The following MCRS1 variants were observed in gnomAD, a reference collection of about 807,000 sequenced individuals.
MCRS1 encodes the protein 58 kDa microspherule protein.
In MCRS1, 22 loss-of-function variants were observed where a neutral mutation model predicts 62.9. The ratio of observed to expected loss-of-function variants is 0.35; its 90% CI spans 0.25 to 0.50. The LOEUF (loss-of-function observed/expected upper bound fraction) is 0.50, where lower values mean the gene tolerates loss of function less well. Ranked by LOEUF, MCRS1 falls within the 20% of genes least tolerant of loss-of-function variation. The pLI is 0.98. For synonymous variants in MCRS1, 244 were observed against 233.5 expected, an observed-to-expected ratio of 1.04 and a Z score of -0.41; for missense variants, 456 against 601.1, an observed-to-expected ratio of 0.76 and a Z score of 2.52.
chr12:49,560,728 C>T (rs768609098), intron 8 of MCRS1, among the ~76,000 whole-genome samples: 2 of 152,190 alleles, frequency 1.3e-5, no homozygotes, highest in African/African-American at 2.4e-5. Flanking sequence ...ACTATGTGAC[C>T]CTAGTTTGGG....
At chr12:49,560,459 G>A in intron 8 of MCRS1, 89 bp from the exon 9 acceptor site, 5 of 1,205,506 alleles carry the variant, frequency 4.1e-6, no homozygotes, top group Non-Finnish European at 6.2e-6. Flanking sequence ...ACCAGCTGCA[G>A]ACTGCGCTGG....
intron 5 of MCRS1, 63 bp downstream of exon 5, chr12:49,564,673 AT>A: frequency 6.2e-7 from 1 of 1,604,372 alleles, no homozygotes; most frequent in South Asian, 1.1e-5. Flanking sequence ...TGTTGGGCTA[AT>A]TTTGGGGTGC....
chr12:49,560,076 A>C, intron 9 of MCRS1, 109 bp from the exon 10 acceptor site: 1 of 1,453,964 alleles, frequency 6.9e-7, no homozygotes, highest in Non-Finnish European at 9.6e-7. Context: ...GGAAGGTGGT[A>C]CATCAGGCCT....
intron 8 of MCRS1, among the ~76,000 whole-genome samples, chr12:49,561,322 G>A (rs1431942287): frequency 6.6e-6 from 1 of 152,208 alleles, no homozygotes; most frequent in Non-Finnish European, 1.5e-5. Context: ...GAGGAAGTGA[G>A]GGGGAGTGTG....
At chr12:49,565,988 C>T in intron 3 of MCRS1, 89 bp downstream of exon 3, 1 of 1,516,808 alleles carries the variant, frequency 6.6e-7, no homozygotes, top group South Asian at 1.3e-5. Flanking sequence ...GCTCAGGCAG[C>T]CATTCCCAAC....
Position 49,568,126 on chromosome 12 carries a change from T to A in MCRS1, c.-189A>T, listed in dbSNP as rs918965500. On this transcript the variant is annotated 5_prime_UTR_variant, in exon 1 of 15. Coordinates refer to ENST00000343810, the MANE Select transcript of MCRS1 (RefSeq NM_006337.5). Reference sequence around the variant, plus strand: ...AGGGCCAAAGCCGGCTTCCGTGAGGTACGTCTACTTCCGGTTAACGAACCA... The same window carrying A: ...AGGGCCAAAGCCGGCTTCCGTGAGGAACGTCTACTTCCGGTTAACGAACCA... The A allele has an allele frequency of 6.6e-6, 1 of 152,344 alleles. No homozygotes were observed. Among genetic ancestry groups the A allele is most frequent in the African/African-American group, 2.4e-5 (1 of 41,582 alleles). 9.4% of individuals were successfully genotyped at this position (152,344 alleles called of 1,614,324 possible). A position where few individuals can be genotyped will look rare whatever the true frequency, so the allele number is the denominator to read the frequency against.
At position 49,559,421 on chromosome 12, in the gene MCRS1, G is replaced by A. The variant is rs961236357; in HGVS notation, c.1086+32C>T. 1.2e-6 allele frequency: 2 copies of A among 1,613,298 alleles called. No homozygotes were observed. Among genetic ancestry groups the A allele is most frequent in the Non-Finnish European group, 1.7e-6 (2 of 1,179,490 alleles). On this transcript the variant is annotated intron_variant, in intron 12 of 14. Coordinates refer to ENST00000343810, the MANE Select transcript of MCRS1 (RefSeq NM_006337.5). The surrounding 1 kb of genome is among the most constrained non-coding windows in gnomAD (Gnocchi z 5.2). ...GAGAAAGGCACTGACAGAGGAAGCA[G>A]CCTAAGAAGGGCGGGGATGGGCCTG... is the stretch of plus-strand genomic sequence containing the variant.
chr12:49,561,368 G>C (rs1363947183), intron 8 of MCRS1, among the ~76,000 whole-genome samples: 2 of 152,142 alleles, frequency 1.3e-5, no homozygotes, highest in Admixed American at 1.3e-4. Flanking sequence ...TCCCACTGAG[G>C]TGAGACCATA....
At chr12:49,566,033 C>T (rs369002130) in intron 3 of MCRS1, 44 bp downstream of exon 3, 139 of 1,594,788 alleles carry the variant, frequency 8.7e-5, no homozygotes, top group Non-Finnish European at 1.1e-4. Flanking sequence ...ACGCCACAGA[C>T]CTTCTACCCT....
Position 49,559,197 on chromosome 12 carries a change from C to T in MCRS1, c.1174+17G>A, listed in dbSNP as rs1938619071. On this transcript the variant is annotated intron_variant, in intron 13 of 14. Transcript: ENST00000343810. This position sits in a 1 kb window ranked among gnomAD's most constrained non-coding sequence, Gnocchi z 5.2. The stretch of plus-strand genomic sequence containing the variant: ...GACCTCACACTGCTTCCTGCTGGGG[C>T]AGGGGGTGGGGGATACCTTGTTTCC... 6.2e-7 allele frequency: 1 copy of T among 1,611,300 alleles called. No homozygotes were observed. The highest frequency in any genetic ancestry group is 1.7e-5 in the Admixed American group (1 of 59,924).
At chr12:49,561,247 G>A (rs1565789425) in intron 8 of MCRS1, among the ~76,000 whole-genome samples, 1 of 152,192 alleles carries the variant, frequency 6.6e-6, no homozygotes, top group African/African-American at 2.4e-5. Flanking sequence ...TCTGCTTTTA[G>A]GCCAGCCGTT....
chr12:49,563,314 G>C, intron 7 of MCRS1, 124 bp downstream of exon 7: 5 of 1,340,036 alleles, frequency 3.7e-6, no homozygotes, highest in Non-Finnish European at 4.2e-6. Flanking sequence ...CCCTGCCAAT[G>C]TGCACACGTG....
Position 49,558,637 on chromosome 12 carries a change from C to T in MCRS1, c.*6G>A, listed in dbSNP as rs746747117. ...GGAGAGGGCCCACGAGTCCTGCCAC[C>T]ACTCCTCACTGTGGTGTGATCTTGG... On this transcript the variant is annotated 3_prime_UTR_variant, in exon 15 of 15. Transcript: ENST00000343810. The T allele has an allele frequency of 1.2e-6, 2 of 1,612,298 alleles. No homozygotes were observed. The highest frequency in any genetic ancestry group is 2.2e-5 in the South Asian group (2 of 91,052).
intron 8 of MCRS1, 73 bp downstream of exon 8, chr12:49,562,928 G>T: frequency 6.7e-7 from 1 of 1,501,346 alleles, no homozygotes; most frequent in Non-Finnish European, 9.0e-7. Context: ...GAAGGCAGCT[G>T]TGTCGAGTAC....
chr12:49,564,616 C>G (rs1416151139), intron 5 of MCRS1, 26 bp from the exon 6 acceptor site: 1 of 1,609,210 alleles, frequency 6.2e-7, no homozygotes, highest in Non-Finnish European at 8.5e-7. Flanking sequence ...AGGATTTGCT[C>G]CAGCCTTGGA....
chr12:49,565,736 C>T (rs758925224), intron 3 of MCRS1, 69 bp from the exon 4 acceptor site: 95 of 1,608,374 alleles, frequency 5.9e-5, no homozygotes, highest in Admixed American at 8.4e-5. Context: ...CCCCCAGCCC[C>T]CAAAAGAGAG....
rs534776353 is a variant in MCRS1 at position 49,566,064 on chromosome 12, G to A, written c.149+13C>T. 51 of 1,611,504 alleles carry A rather than the reference G, an allele frequency of 3.2e-5. No individual in the cohort carries two copies. The highest frequency in any genetic ancestry group is 2.4e-4 in the South Asian group (22 of 90,806). ...ACCCTTTCCCAGTTCCTGGCCCTCC[G>A]AACCCTTACTACCTGGAGGAGCTTC... On this transcript the variant is annotated intron_variant, in intron 3 of 14. Transcript: ENST00000343810.
rs1939037854 is a variant in MCRS1 at position 49,566,015 on chromosome 12, G to C, written c.149+62C>G. 3.2e-6 allele frequency: 5 copies of C among 1,564,020 alleles called. No individual in the cohort carries two copies. In the East Asian group the frequency reaches 1.1e-4, roughly 35 times the overall value. ...ATTCCCAACAGATGGGGAGGCATGT[G>C]GCACTTAACGCCACAGACCTTCTAC... On this transcript the variant is annotated intron_variant, in intron 3 of 14. Coordinates refer to ENST00000343810, the MANE Select transcript of MCRS1 (RefSeq NM_006337.5).
chr12:49,566,756 G>T lies in MCRS1; in HGVS notation c.-25C>A, dbSNP rs1437036411. On this transcript the variant is annotated 5_prime_UTR_variant, in exon 2 of 15. Transcript: ENST00000343810. ...TCCTCTTACAGTCCCAAAGCCACTG[G>T]TTCCAAACCACCGGGCTAGGAGGAA... 1.2e-6 allele frequency: 2 copies of T among 1,613,396 alleles called. No individual in the cohort carries two copies. Among genetic ancestry groups the T allele is most frequent in the East Asian group, 2.2e-5 (1 of 44,842 alleles).
Sources: gnomAD v4.1 joint callset for allele counts (sites outside exome capture counted in the v4.1 genomes callset) on GRCh38, gnomAD v4.1.1 for gene constraint, Gnocchi (gnomAD v3.1) non-coding constraint, MANE v1.5 for transcripts, NCBI Gene and HGNC (gene_info 2026-07-23, HGNC 2026-07-21) for gene names.